The following DRC8 variants were observed in gnomAD, a reference collection of about 807,000 sequenced individuals.
DRC8 encodes dynein regulatory complex subunit 8, also known as dynein regulatory complex protein 8.
the DRC8 span, among the ~76,000 whole-genome samples, chr1:245,012,946 A>C: frequency 6.6e-6 from 1 of 152,350 alleles, no homozygotes; most frequent in East Asian, 1.9e-4. Context: ...CAAGACTAGA[A>C]ATGCAAATCA....
chr1:245,045,398 G>A, the DRC8 span, among the ~76,000 whole-genome samples: 1 of 152,180 alleles, frequency 6.6e-6, no homozygotes, highest in Non-Finnish European at 1.5e-5. Context: ...GCAAAGCAAA[G>A]TATGAAGCAA....
the DRC8 span, among the ~76,000 whole-genome samples, chr1:244,984,611 G>A: frequency 3.0e-3 from 456 of 152,202 alleles, 2 homozygotes; most frequent in South Asian, 0.012. Flanking sequence ...GAGGCAGGTG[G>A]ATCACCTGAG....
chr1:244,980,505 T>C, the DRC8 span, among the ~76,000 whole-genome samples: 1 of 152,056 alleles, frequency 6.6e-6, no homozygotes, highest in Non-Finnish European at 1.5e-5. Flanking sequence ...AGTATAGTAG[T>C]CCAGAAAGAT....
the DRC8 span, among the ~76,000 whole-genome samples, chr1:245,051,860 T>C: frequency 1.3e-5 from 2 of 152,152 alleles, no homozygotes; most frequent in Non-Finnish European, 2.9e-5. Flanking sequence ...GATTTGCTTC[T>C]TTGAGGAGGA....
the DRC8 span, among the ~76,000 whole-genome samples, chr1:245,110,281 A>G: frequency 1.2e-3 from 182 of 152,244 alleles, no homozygotes; most frequent in African/African-American, 4.3e-3. Flanking sequence ...CTACTCAGAG[A>G]GCTGAGGCAG....
At chr1:245,049,043 T>C in the DRC8 span, among the ~76,000 whole-genome samples, 1 of 151,604 alleles carries the variant, frequency 6.6e-6, no homozygotes, top group Non-Finnish European at 1.5e-5. This position sits in a 1 kb window ranked among gnomAD's most constrained non-coding sequence, Gnocchi z 4.5. Flanking sequence ...GGGAGTGCAG[T>C]AGCTCGATCT....
At chr1:244,988,318 A>G in the DRC8 span, among the ~76,000 whole-genome samples, 3 of 152,098 alleles carry the variant, frequency 2.0e-5, no homozygotes, top group Non-Finnish European at 4.4e-5. Context: ...AACTTGCCTC[A>G]ACTGGGATTT....
the DRC8 span, among the ~76,000 whole-genome samples, chr1:245,044,337 C>A: frequency 1.3e-5 from 2 of 152,082 alleles, no homozygotes. Context: ...GGACTTTTTG[C>A]CTATGAGGAG....
the DRC8 span, among the ~76,000 whole-genome samples, chr1:245,119,945 A>AAAAT: frequency 2.1e-3 from 223 of 107,592 alleles, no homozygotes; most frequent in Non-Finnish European, 2.9e-3. Flanking sequence ...AAAAAAATAA[A>AAAAT]AAATAAGTAA....
At chr1:245,035,433 G>A in the DRC8 span, among the ~76,000 whole-genome samples, 78 of 152,222 alleles carry the variant, frequency 5.1e-4, no homozygotes, top group Middle Eastern at 0.01. Flanking sequence ...ATGGTCAATT[G>A]ATCTTCAATA....
At chr1:245,076,877 C>G in the DRC8 span, among the ~76,000 whole-genome samples, 1 of 152,122 alleles carries the variant, frequency 6.6e-6, no homozygotes, top group Non-Finnish European at 1.5e-5. Flanking sequence ...CAGGTGCACA[C>G]CACCATGTCC....
the DRC8 span, among the ~76,000 whole-genome samples, chr1:245,086,270 A>G: frequency 6.6e-6 from 1 of 152,264 alleles, no homozygotes; most frequent in Non-Finnish European, 1.5e-5. Flanking sequence ...GTAAATCTAT[A>G]CAAATCTAAG....
At chr1:245,091,552 A>G in the DRC8 span, 1 of 152,236 alleles carries the variant, frequency 6.6e-6, no homozygotes, top group Admixed American at 6.5e-5. Flanking sequence ...CTACCTCCCC[A>G]GCCCCACCTT....
the DRC8 span, among the ~76,000 whole-genome samples, chr1:245,067,165 C>T: frequency 5.9e-5 from 9 of 152,148 alleles, no homozygotes; most frequent in Admixed American, 2.6e-4. Flanking sequence ...CTCACTTTGT[C>T]GCCCAGGTTG....
At chr1:245,021,143 C>T in the DRC8 span, among the ~76,000 whole-genome samples, 193 of 152,062 alleles carry the variant, frequency 1.3e-3, no homozygotes, top group African/African-American at 4.5e-3. Flanking sequence ...TTTATGTAAA[C>T]ATTTGGGTTG....
At chr1:245,084,326 C>T in the DRC8 span, among the ~76,000 whole-genome samples, 1 of 152,060 alleles carries the variant, frequency 6.6e-6, no homozygotes, top group African/African-American at 2.4e-5. Context: ...AGGTGATCCA[C>T]CCATCTTGGC....
At chr1:245,074,964 G>A in the DRC8 span, among the ~76,000 whole-genome samples, 3 of 152,106 alleles carry the variant, frequency 2.0e-5, no homozygotes, top group Non-Finnish European at 2.9e-5. Context: ...ATTCACATGT[G>A]TATCTGATTT....
At chr1:245,088,315 G>GACACACACACACACACACAC in the DRC8 span, among the ~76,000 whole-genome samples, 76 of 145,596 alleles carry the variant, frequency 5.2e-4, no homozygotes, top group African/African-American at 1.6e-3. This position sits in a 1 kb window ranked among gnomAD's most constrained non-coding sequence, Gnocchi z 4.6. Context: ...GTTATAACAA[G>GACACACACACACACACACAC]ACACACACAC....
At chr1:245,010,648 T>C in the DRC8 span, among the ~76,000 whole-genome samples, 2,582 of 151,562 alleles carry the variant, frequency 0.017, 33 homozygotes, top group Non-Finnish European at 0.024. Context: ...CTTTAATCCA[T>C]CCACTTTACA....
Sources: allele counts gnomAD v4.1 joint callset (sites outside exome capture counted in the v4.1 genomes callset), GRCh38; gene constraint gnomAD v4.1.1; non-coding constraint Gnocchi (gnomAD v3.1); transcripts MANE v1.5; gene names NCBI Gene and HGNC (gene_info 2026-07-23, HGNC 2026-07-21).